The following GPM6A variants were observed in gnomAD, a reference collection of about 807,000 sequenced individuals.
GPM6A encodes the protein glycoprotein M6A.
In GPM6A, 7 loss-of-function variants were observed where a neutral mutation model predicts 32.1. That is an observed-to-expected ratio of 0.22 (90% CI 0.12 to 0.41). GPM6A has a LOEUF of 0.41. Among genes scored for constraint, GPM6A ranks in the 10% least tolerant of loss-of-function variants. The pLI is 1.00. For synonymous variants in GPM6A, 130 were observed against 123.4 expected (o/e 1.05, Z -0.35); for missense variants, 235 against 347.2 (o/e 0.68, Z 2.57).
At chr4:175,813,655 A>C (rs942663977), upstream of GPM6A, among the ~76,000 whole-genome samples, 1 of 152,064 alleles carries the variant, frequency 6.6e-6, no homozygotes, top group African/African-American at 2.4e-5. Context: ...TCACATCCTC[A>C]TTATCCATAG....
intron 1 of GPM6A, among the ~76,000 whole-genome samples, chr4:175,783,293 T>TG (rs772574038): frequency 2.0e-5 from 3 of 151,916 alleles, no homozygotes; most frequent in African/African-American, 4.8e-5. Context: ...ATTTTGCCAA[T>TG]AATTTTTTTA....
intron 1 of GPM6A, among the ~76,000 whole-genome samples, chr4:175,975,257 C>G (rs1391362844): frequency 6.6e-6 from 1 of 152,168 alleles, no homozygotes; most frequent in Non-Finnish European, 1.5e-5. Flanking sequence ...TTCAAAACTC[C>G]TCATCAGTAA....
At chr4:175,889,162 T>C (rs1737552821) in intron 1 of GPM6A, among the ~76,000 whole-genome samples, 1 of 152,158 alleles carries the variant, frequency 6.6e-6, no homozygotes, top group Admixed American at 6.5e-5. Flanking sequence ...AAAGATCTGA[T>C]GTGAAAAATA....
rs1465723751 is a variant in GPM6A, at chr4:175,944,941, GT to G, written c.-23+57367del. Among the ~76,000 whole-genome samples, 6 of 152,062 alleles carry G rather than the reference GT, an allele frequency of 3.9e-5. No homozygotes were observed. The East Asian group carries it at 1.2e-3, about 29-fold the overall frequency. On this transcript the variant is annotated intron_variant, in intron 1 of 7. Coordinates refer to the GPM6A transcript ENST00000280187. ...CATTAGTCTTCATGTACATTTTTTTGTTTTTTGTTTTTTGTTTTTTCGGTCC... is the reference window on the plus strand; with the variant it reads ...CATTAGTCTTCATGTACATTTTTTTGTTTTTGTTTTTTGTTTTTTCGGTCC...
At chr4:175,970,032 C>G (rs1740452051) in intron 1 of GPM6A, among the ~76,000 whole-genome samples, 1 of 152,188 alleles carries the variant, frequency 6.6e-6, no homozygotes, top group African/African-American at 2.4e-5. Flanking sequence ...TATTATTGTT[C>G]CTTAAAACAC....
At chr4:175,815,718 C>CTTTTTT (rs60711329), upstream of GPM6A, among the ~76,000 whole-genome samples, 3 of 127,118 alleles carry the variant, frequency 2.4e-5, no homozygotes, top group East Asian at 2.3e-4. Context: ...TTTTTCTTTT[C>CTTTTTT]TTTTTTTTTT....
chr4:175,820,500 CTT>C (rs66569311), intron 1 of GPM6A, among the ~76,000 whole-genome samples: 17 of 112,106 alleles, frequency 1.5e-4, no homozygotes, highest in African/African-American at 5.2e-4. Flanking sequence ...TCTTTTCTTT[CTT>C]TTTTTTTTTT....
intron 1 of GPM6A, among the ~76,000 whole-genome samples, chr4:175,834,590 C>T (rs1321361434): frequency 3.3e-5 from 5 of 151,922 alleles, no homozygotes; most frequent in African/African-American, 4.8e-5. Flanking sequence ...CTGCATGGAA[C>T]GGATTAAACT....
intron 1 of GPM6A, among the ~76,000 whole-genome samples, chr4:175,969,989 A>C (rs1255261629): frequency 2.6e-5 from 4 of 152,238 alleles, no homozygotes; most frequent in Non-Finnish European, 4.4e-5. Flanking sequence ...AACTACTTTT[A>C]CTTTCAGGAC....
chr4:175,724,331 C>T (rs927170724), intron 1 of GPM6A, among the ~76,000 whole-genome samples: 13 of 152,194 alleles, frequency 8.5e-5, no homozygotes, highest in Middle Eastern at 6.8e-3. Context: ...GATCACCTGA[C>T]GTCAGGAGTT....
intron 3 of GPM6A, among the ~76,000 whole-genome samples, chr4:175,666,598 T>C (rs1742767283): frequency 6.6e-6 from 1 of 152,190 alleles, no homozygotes; most frequent in Non-Finnish European, 1.5e-5. Flanking sequence ...AAAAGACCAT[T>C]AATAGTCTGT....
At chr4:175,962,317 C>T (rs1740192783) in intron 1 of GPM6A, 2 of 989,322 alleles carry the variant, frequency 2.0e-6, no homozygotes, top group Non-Finnish European at 3.2e-6. Flanking sequence ...TTACTGGGTC[C>T]TGTGGCCACT....
At chr4:175,953,847 C>T (rs1579659979) in intron 1 of GPM6A, among the ~76,000 whole-genome samples, 2 of 152,112 alleles carry the variant, frequency 1.3e-5, no homozygotes, top group African/African-American at 2.4e-5. Flanking sequence ...TGTGATGAGC[C>T]GAGATCGTGC....
At chr4:175,657,051 A>C (rs1299753064) in intron 3 of GPM6A, among the ~76,000 whole-genome samples, 4 of 152,162 alleles carry the variant, frequency 2.6e-5, no homozygotes, top group Non-Finnish European at 4.4e-5. Context: ...ATTGTTTCTC[A>C]CTGTTTCAAG....
At chr4:175,660,897 C>G (rs752251033) in intron 3 of GPM6A, among the ~76,000 whole-genome samples, 3 of 152,166 alleles carry the variant, frequency 2.0e-5, no homozygotes, top group African/African-American at 7.2e-5. Context: ...ACCACCCCTG[C>G]AAGTAAGGTA....
chr4:175,781,294 T>C (rs1733605742), intron 1 of GPM6A: 2 of 152,186 alleles, frequency 1.3e-5, no homozygotes, highest in South Asian at 4.1e-4. Context: ...TCTGTTTGGA[T>C]GCCCTGAAGA....
intron 1 of GPM6A, among the ~76,000 whole-genome samples, chr4:175,779,799 A>G (rs1396147943): frequency 6.6e-6 from 1 of 152,214 alleles, no homozygotes; most frequent in Non-Finnish European, 1.5e-5. Flanking sequence ...AGCACTACAT[A>G]TATCCTGAGT....
intron 1 of GPM6A, among the ~76,000 whole-genome samples, chr4:175,765,558 C>A (rs2581770): frequency 2.0e-5 from 3 of 151,932 alleles, no homozygotes; most frequent in Non-Finnish European, 4.4e-5. Flanking sequence ...TTCTAAACAT[C>A]GTAAATATGT....
rs1399598595 is a variant in GPM6A, at chr4:175,709,563, G to T, written c.38-7796C>A. ...GCCAACATGGTGAAACCCCATCTCT[G>T]CTAAAAATACAAAAATTAGCCGAGC... On this transcript the variant is annotated intron_variant, in intron 1 of 6. Transcript: ENST00000393658. Among the ~76,000 whole-genome samples the T allele has an allele frequency of 2.0e-5, 3 of 151,480 alleles. No homozygotes were observed. In the East Asian group the frequency reaches 5.8e-4, roughly 29 times the overall value.
Sources: gnomAD v4.1 joint callset for allele counts (sites outside exome capture counted in the v4.1 genomes callset) on GRCh38, gnomAD v4.1.1 for gene constraint, MANE v1.5 for transcripts, NCBI Gene and HGNC (gene_info 2026-07-23, HGNC 2026-07-21) for gene names.